Variants in DHX57 observed in about 807,000 individuals in gnomAD.
DHX57 encodes DExH-box helicase 57.
A neutral mutation model predicts 156.2 loss-of-function variants in DHX57; 105 were observed. The observed-to-expected ratio is 0.67, with a 90% CI of 0.57 to 0.79. DHX57 has a LOEUF of 0.79. Among genes scored for constraint, DHX57 ranks in the 30% least tolerant of loss-of-function variants. DHX57 has a pLI of 0.00. For missense variants in DHX57, 1,847 were observed against 1,661.9 expected, an observed-to-expected ratio of 1.11 and a Z score of -1.94; for synonymous variants, 704 against 595.6, an observed-to-expected ratio of 1.18 and a Z score of -2.65.
chr2:38,863,180 A>C, intron 3 of DHX57, 181 bp downstream of exon 3: 3 of 659,118 alleles, frequency 4.6e-6, no homozygotes, highest in Non-Finnish European at 4.8e-6. Context: ...ATGTTGCAAA[A>C]CAAACTCACT....
At chr2:38,826,104 G>A in intron 15 of DHX57, 57 bp from the exon 16 acceptor site, 1 of 1,530,464 alleles carries the variant, frequency 6.5e-7, no homozygotes, top group East Asian at 2.4e-5. Flanking sequence ...GGCCAAGACT[G>A]CTTGCTATGG....
chr2:38,815,729 T>C (rs1455915438), intron 19 of DHX57, 74 bp from the exon 20 acceptor site: 1 of 1,584,532 alleles, frequency 6.3e-7, no homozygotes, highest in East Asian at 2.2e-5. Context: ...AAATGAGTGA[T>C]TATAAAAATG....
rs932944150 is a variant in DHX57, at chr2:38,861,442, T to C, written c.968A>G (p.His323Arg). Residue 323 changes from histidine (H) to arginine (R), a missense_variant, in exon 5 of 24, where the codon CAT becomes CGT. Transcript: ENST00000457308. ...AACAATTTGATTTGGGGGCACTTCA[T>C]GTTTGAATCTGCATTTTGATCCAAA... The part of the protein sequence containing the change: ...CKFGSKCRFK[H>R]EVPPNQIVGR... The C allele has an allele frequency of 1.2e-6, 2 of 1,613,988 alleles. No individual in the cohort carries two copies. The highest frequency in any genetic ancestry group is 1.3e-5 in the African/African-American group (1 of 74,954).
chr2:38,818,726 C>A (rs376820358), intron 19 of DHX57, 151 bp downstream of exon 19: 3 of 774,584 alleles, frequency 3.9e-6, no homozygotes, highest in African/African-American at 1.7e-5. Flanking sequence ...TGCCACAGTG[C>A]GGGAGTCCAT....
At chr2:38,844,225 A>G (rs1672151150) in intron 11 of DHX57, among the ~76,000 whole-genome samples, 1 of 152,210 alleles carries the variant, frequency 6.6e-6, no homozygotes, top group African/African-American at 2.4e-5. Flanking sequence ...AAATAAGTAT[A>G]CTTTCAAGGA....
chr2:38,839,034 C>T (rs1032846809), intron 12 of DHX57, among the ~76,000 whole-genome samples: 4 of 151,872 alleles, frequency 2.6e-5, no homozygotes, highest in Admixed American at 1.3e-4. Flanking sequence ...CGGATTCAAG[C>T]GATTCTCCTG....
chr2:38,817,703 T>C (rs1434198236), intron 19 of DHX57, among the ~76,000 whole-genome samples: 1 of 152,088 alleles, frequency 6.6e-6, no homozygotes, highest in Non-Finnish European at 1.5e-5. Context: ...ACATTTTTTA[T>C]TTTTATTTTT....
intron 23 of DHX57, among the ~76,000 whole-genome samples, chr2:38,798,698 C>A (rs1176143732): frequency 6.6e-6 from 1 of 152,222 alleles, no homozygotes; most frequent in Non-Finnish European, 1.5e-5. Flanking sequence ...GTAATCCCAG[C>A]ACTTTGGGAG....
intron 9 of DHX57, among the ~76,000 whole-genome samples, chr2:38,852,835 T>A (rs1296313374): frequency 1.3e-5 from 2 of 152,028 alleles, no homozygotes; most frequent in African/African-American, 2.4e-5. Context: ...TAAGATAAAA[T>A]CCACATGCTT....
rs193103132 is a variant in DHX57 at position 38,811,949 on chromosome 2, G to T, written c.3681+1872C>A. 2.2e-3 allele frequency among the ~76,000 whole-genome samples: 336 copies of T among 152,046 alleles called. 2 individuals are homozygous for T. Among genetic ancestry groups the T allele is most frequent in the African/African-American group, 7.2e-3 (300 of 41,468 alleles). On this transcript the variant is annotated intron_variant, in intron 21 of 23. Transcript: ENST00000457308. Reference sequence around the variant, plus strand: ...TTTCTTTTTTCTTTTTTTAGAGACAGGGTTTTGCCATGTTGCCCAGGCTGG... The same window carrying T: ...TTTCTTTTTTCTTTTTTTAGAGACATGGTTTTGCCATGTTGCCCAGGCTGG...
At chr2:38,801,740 G>A (rs888274763) in intron 23 of DHX57, among the ~76,000 whole-genome samples, 7 of 152,000 alleles carry the variant, frequency 4.6e-5, no homozygotes, top group African/African-American at 7.2e-5. Context: ...GATTACAGAC[G>A]CCCACTACCA....
At chr2:38,875,462 A>G (rs1665563289) in intron 1 of DHX57, among the ~76,000 whole-genome samples, 1 of 152,180 alleles carries the variant, frequency 6.6e-6, no homozygotes, top group Non-Finnish European at 1.5e-5. Context: ...AGACGGAGTC[A>G]GAGAACGGAG....
At chr2:38,801,594 T>C (rs970153526) in intron 23 of DHX57, among the ~76,000 whole-genome samples, 1 of 151,228 alleles carries the variant, frequency 6.6e-6, no homozygotes, top group African/African-American at 2.4e-5. Context: ...TTTTGTATTT[T>C]TATATATTCA....
intron 21 of DHX57, chr2:38,811,691 G>T (rs2148541045): frequency 1.0e-6 from 1 of 960,796 alleles, no homozygotes. Flanking sequence ...CTGGTGCCTG[G>T]AATCTGTCTT....
chr2:38,873,372 GA>G (rs781361190), intron 1 of DHX57, among the ~76,000 whole-genome samples: 17 of 152,234 alleles, frequency 1.1e-4, no homozygotes, highest in Admixed American at 6.5e-4. Context: ...TCAAAAGCTA[GA>G]AAAAATTTGG....
At chr2:38,874,226 G>A (rs927109122) in intron 1 of DHX57, among the ~76,000 whole-genome samples, 5 of 151,654 alleles carry the variant, frequency 3.3e-5, no homozygotes, top group Admixed American at 1.3e-4. Flanking sequence ...TGAATAGCTG[G>A]GACCACAGGT....
chr2:38,817,144 C>T (rs1482582036), intron 19 of DHX57, among the ~76,000 whole-genome samples: 2 of 152,072 alleles, frequency 1.3e-5, no homozygotes, highest in East Asian at 3.8e-4. Context: ...GTTGCCCGGG[C>T]TGGTCTCGAA....
intron 15 of DHX57, 64 bp from the exon 16 acceptor site, chr2:38,826,111 A>T: frequency 6.6e-7 from 1 of 1,505,124 alleles, no homozygotes; most frequent in Non-Finnish European, 9.0e-7. Flanking sequence ...ACTGCTTGCT[A>T]TGGACAGAAT....
Position 38,826,541 on chromosome 2 carries a change from C to T in DHX57, c.2788G>A (p.Asp930Asn), listed in dbSNP as rs1182588999. 3.1e-6 allele frequency: 5 copies of T among 1,613,988 alleles called. No individual in the cohort carries two copies. The highest frequency in any genetic ancestry group is 4.2e-6 in the Non-Finnish European group (5 of 1,179,950). ...ITIDDVVYVI[D>N]SGKMKEKRYD... ...CTCTTTTCTTTCATTTTCCCAGAAT[C>T]GATAACATAGACAACATCATCGATG... Residue 930 changes from aspartate (D) to asparagine (N), a missense_variant, in exon 15 of 24, where the codon GAT becomes AAT. Transcript: ENST00000457308.
Sources: gnomAD v4.1 joint callset for allele counts (sites outside exome capture counted in the v4.1 genomes callset) on GRCh38, gnomAD v4.1.1 for gene constraint, MANE v1.5 for transcripts, NCBI Gene and HGNC (gene_info 2026-07-23, HGNC 2026-07-21) for gene names.